RPTOR: variants seen among roughly 807,000 people sequenced by gnomAD.
RPTOR encodes regulatory associated protein of MTOR complex 1, also known as regulatory-associated protein of mTOR.
Under a neutral mutation model 169.9 loss-of-function variants are expected in RPTOR, and 21 were observed. The ratio of observed to expected loss-of-function variants is 0.12; its 90% CI spans 0.09 to 0.18. The LOEUF (loss-of-function observed/expected upper bound fraction) is 0.18, where lower values mean the gene tolerates loss of function less well. Among genes scored for constraint, RPTOR ranks in the 10% least tolerant of loss-of-function variants. The probability of loss-of-function intolerance (pLI) is 1.00; values close to 1 mark genes in which losing one functional copy is unlikely to be tolerated. For synonymous variants in RPTOR, 732 were observed against 753.2 expected (o/e 0.97, Z 0.46); for missense variants, 1,133 against 1,855.9 (o/e 0.61, Z 7.16).
At chr17:80,950,714 G>A (rs2069165220) in intron 28 of RPTOR, among the ~76,000 whole-genome samples, 1 of 152,148 alleles carries the variant, frequency 6.6e-6, no homozygotes, top group African/African-American at 2.4e-5. Flanking sequence ...TCCAGGAGGG[G>A]TCCCGGGAGA....
At chr17:80,780,618 C>A (rs1433164912) in intron 6 of RPTOR, among the ~76,000 whole-genome samples, 1 of 152,118 alleles carries the variant, frequency 6.6e-6, no homozygotes, top group African/African-American at 2.4e-5. Context: ...GATACGTATA[C>A]TTTTCATTTT....
chr17:80,634,200 ACT>A (rs1406626716), intron 2 of RPTOR, among the ~76,000 whole-genome samples: 2 of 93,996 alleles, frequency 2.1e-5, no homozygotes, highest in Admixed American at 1.1e-4. Context: ...GTGTGTGCAT[ACT>A]GTGTGTGCAT....
At chr17:80,671,522 A>C (rs2065821893) in intron 3 of RPTOR, among the ~76,000 whole-genome samples, 1 of 152,044 alleles carries the variant, frequency 6.6e-6, no homozygotes, top group South Asian at 2.1e-4. Flanking sequence ...TTTTGTAACG[A>C]TTTTCGACAG....
At chr17:80,832,888 G>A (rs1372184257) in intron 9 of RPTOR, among the ~76,000 whole-genome samples, 1 of 152,204 alleles carries the variant, frequency 6.6e-6, no homozygotes, top group Non-Finnish European at 1.5e-5. Context: ...TTTAGCAAGA[G>A]GAAAGAGGGA....
chr17:80,743,439 A>T (rs2066505023), intron 5 of RPTOR: 1 of 985,430 alleles, frequency 1.0e-6, no homozygotes, highest in South Asian at 4.7e-5. Flanking sequence ...TAGGAAAGGC[A>T]TGTCAGTGAC....
At chr17:80,778,691 C>T (rs1242020452) in intron 6 of RPTOR, among the ~76,000 whole-genome samples, 2 of 152,044 alleles carry the variant, frequency 1.3e-5, no homozygotes, top group African/African-American at 2.4e-5. Flanking sequence ...CCCAGCTTCT[C>T]GGGAGAAGGA....
At chr17:80,876,014 G>A (rs1475953562) in intron 13 of RPTOR, among the ~76,000 whole-genome samples, 1 of 51,626 alleles carries the variant, frequency 1.9e-5, no homozygotes, top group Admixed American at 1.7e-4. Flanking sequence ...GTCTTCCACC[G>A]AGCCCGTGCC....
Position 80,947,178 on chromosome 17 carries a change from G to A in RPTOR, c.3141-49G>A. On this transcript the variant is annotated intron_variant, in intron 26 of 33. Coordinates refer to ENST00000306801, the MANE Select transcript of RPTOR (RefSeq NM_020761.3). This position sits in a 1 kb window ranked among gnomAD's most constrained non-coding sequence, Gnocchi z 4.4. ...TCAGGAGGTATCTCACTGTCATTTG[G>A]GTTTGCAGTTTCCTAATGACTTTTT... 1 of 1,513,340 alleles carries A rather than the reference G, an allele frequency of 6.6e-7. No individual in the cohort carries two copies. Among genetic ancestry groups the A allele is most frequent in the Non-Finnish European group, 8.8e-7 (1 of 1,132,232 alleles). The allele number at this position is 1,513,340 out of a possible 1,614,324, so 93.7% of individuals were successfully genotyped here. A position where few individuals can be genotyped will look rare whatever the true frequency, so the allele number is the denominator to read the frequency against.
chr17:80,724,553 C>T (rs534063141), intron 4 of RPTOR, among the ~76,000 whole-genome samples: 1 of 145,482 alleles, frequency 6.9e-6, no homozygotes, highest in East Asian at 1.9e-4. Context: ...TGTATCCCAG[C>T]TATCCACAGA....
rs552205786 is a variant in RPTOR, at chr17:80,679,466, G to A, written c.349-28375G>A. On this transcript the variant is annotated intron_variant, in intron 3 of 33. Coordinates refer to ENST00000306801, the MANE Select transcript of RPTOR (RefSeq NM_020761.3). ...GTTAATCATGTTACTCTAAGTTTTC[G>A]TTTCCTTTTTACTCGGCTCAGGAAT... Among the ~76,000 whole-genome samples, 15 of 152,208 alleles carry A rather than the reference G, an allele frequency of 9.9e-5. No individual in the cohort carries two copies. The South Asian group carries it at 2.7e-3, about 27-fold the overall frequency.
intron 24 of RPTOR, among the ~76,000 whole-genome samples, chr17:80,939,774 C>T (rs2069000854): frequency 6.6e-6 from 1 of 152,242 alleles, no homozygotes; most frequent in Non-Finnish European, 1.5e-5. Context: ...TCAAGCGCAC[C>T]TGCCTCCTGA....
intron 1 of RPTOR, among the ~76,000 whole-genome samples, chr17:80,583,610 G>A (rs988433012): frequency 3.3e-5 from 5 of 152,110 alleles, no homozygotes; most frequent in Non-Finnish European, 5.9e-5. Flanking sequence ...CCCGGGAGCC[G>A]TCCCGCCTCT....
chr17:80,545,466 T>C lies in RPTOR; in HGVS notation c.-164T>C. On this transcript the variant is annotated 5_prime_UTR_variant, in exon 1 of 34. Transcript: ENST00000306801. ...TCCCGCTCAGAGTTAGAGATAAGGA[T>C]CTCAGACTTTTGCCTGAGTAAGGGT... 1.8e-6 allele frequency: 1 copy of C among 545,914 alleles called. No homozygotes were observed. Among genetic ancestry groups the C allele is most frequent in the Non-Finnish European group, 3.2e-6 (1 of 310,050 alleles). 33.8% of individuals were successfully genotyped at this position (545,914 alleles called of 1,614,324 possible). A position where few individuals can be genotyped will look rare whatever the true frequency, so the allele number is the denominator to read the frequency against.
At chr17:80,756,268 C>A (rs979877836) in intron 6 of RPTOR, among the ~76,000 whole-genome samples, 2 of 152,188 alleles carry the variant, frequency 1.3e-5, no homozygotes, top group Non-Finnish European at 2.9e-5. Context: ...TGGGATGGCA[C>A]AGCAAGAAGG....
chr17:80,813,228 T>C (rs1476881606), intron 7 of RPTOR, among the ~76,000 whole-genome samples: 2 of 152,238 alleles, frequency 1.3e-5, no homozygotes, highest in Admixed American at 6.5e-5. Flanking sequence ...TACAGAGCGC[T>C]GAATTGTACA....
chr17:80,785,971 A>G (rs2066986963), intron 6 of RPTOR, among the ~76,000 whole-genome samples: 1 of 152,114 alleles, frequency 6.6e-6, no homozygotes, highest in Non-Finnish European at 1.5e-5. Flanking sequence ...CTTGTTCAGG[A>G]GTTTTCATAG....
At chr17:80,572,832 TA>T (rs1269475927) in intron 1 of RPTOR, among the ~76,000 whole-genome samples, 5 of 152,258 alleles carry the variant, frequency 3.3e-5, no homozygotes, top group African/African-American at 1.2e-4. Flanking sequence ...TATGGTCTGA[TA>T]ATCAGTCTGT....
intron 1 of RPTOR, among the ~76,000 whole-genome samples, chr17:80,599,314 C>T (rs754187739): frequency 2.7e-5 from 4 of 148,026 alleles, no homozygotes; most frequent in Non-Finnish European, 6.1e-5. Context: ...CTTAAGTCTT[C>T]CCAGCTGAGG....
chr17:80,923,534 A>T lies in RPTOR; in HGVS notation c.2669A>T (p.Asn890Ile). The part of the protein sequence containing the change: ...ASSTSSSSLT[N>I]DVAKQPVSRD... ...AGCACCAGCAGCTCCAGCCTGACCA[A>T]CGATGTGGCCAAGCAGCCGGTCAGC... The change falls in exon 23 of 34, where the codon AAC (asparagine) becomes ATC (isoleucine). Residue 890 changes from asparagine (N) to isoleucine (I), a missense_variant. Coordinates refer to ENST00000306801, the MANE Select transcript of RPTOR (RefSeq NM_020761.3). The T allele has an allele frequency of 1.9e-6, 3 of 1,613,290 alleles. No homozygotes were observed. The highest frequency in any genetic ancestry group is 2.5e-6 in the Non-Finnish European group (3 of 1,179,968).
Sources: allele counts gnomAD v4.1 joint callset (sites outside exome capture counted in the v4.1 genomes callset), GRCh38; gene constraint gnomAD v4.1.1; non-coding constraint Gnocchi (gnomAD v3.1); transcripts MANE v1.5; gene names NCBI Gene and HGNC (gene_info 2026-07-23, HGNC 2026-07-21).